PPA2: variants seen among roughly 807,000 people sequenced by gnomAD.
PPA2 encodes the protein inorganic pyrophosphatase 2.
PPA2 carries 48 observed loss-of-function variants against 49.5 expected under a neutral mutation model. The observed-to-expected ratio is 0.97, with a 90% CI of 0.77 to 1.23. The LOEUF is 1.23. Ranked by LOEUF, PPA2 falls within the 50% of genes most tolerant of loss-of-function variation. The probability of loss-of-function intolerance (pLI) is 0.00; values close to 1 mark genes in which losing one functional copy is unlikely to be tolerated. For missense variants in PPA2, 429 were observed against 410.1 expected, an observed-to-expected ratio of 1.05 and a Z score of -0.40; for synonymous variants, 131 against 139.9, an observed-to-expected ratio of 0.94 and a Z score of 0.45.
At chr4:105,459,273 TA>T (rs143823094) in intron 1 of PPA2, among the ~76,000 whole-genome samples, 3 of 151,986 alleles carry the variant, frequency 2.0e-5, no homozygotes, top group Non-Finnish European at 4.4e-5. Context: ...GGGATGCACT[TA>T]AAAAAAACTT....
At chr4:105,447,267 T>C (rs565247857) in intron 4 of PPA2, among the ~76,000 whole-genome samples, 5 of 152,322 alleles carry the variant, frequency 3.3e-5, no homozygotes, top group East Asian at 3.9e-4. Context: ...GAGAACATTA[T>C]GGCAAGTGAA....
intron 7 of PPA2, among the ~76,000 whole-genome samples, chr4:105,410,456 A>G (rs1204494484): frequency 2.0e-5 from 3 of 152,236 alleles, no homozygotes; most frequent in Non-Finnish European, 2.9e-5. Flanking sequence ...CCTGAAAGTG[A>G]CGAGGAGAAT....
intron 2 of PPA2, chr4:105,453,904 A>G (rs1443690061): frequency 3.1e-6 from 1 of 317,690 alleles, no homozygotes; most frequent in Non-Finnish European, 5.7e-6. Flanking sequence ...GTTTTTATAA[A>G]GTAAGCAAAG....
chr4:105,414,669 G>T (rs1237726142), intron 7 of PPA2, among the ~76,000 whole-genome samples: 1 of 152,206 alleles, frequency 6.6e-6, no homozygotes, highest in Non-Finnish European at 1.5e-5. Flanking sequence ...GAGCCATTAG[G>T]TCTGGGATCC....
At chr4:105,457,059 C>G (rs1323774526) in intron 1 of PPA2, among the ~76,000 whole-genome samples, 2 of 151,872 alleles carry the variant, frequency 1.3e-5, no homozygotes, top group South Asian at 2.1e-4. Flanking sequence ...AAAAACATCA[C>G]TTTTGAAAAA....
At chr4:105,432,442 C>T (rs994152758) in intron 6 of PPA2, among the ~76,000 whole-genome samples, 8 of 152,156 alleles carry the variant, frequency 5.3e-5, no homozygotes, top group African/African-American at 1.4e-4. Context: ...TTTAATCAAA[C>T]ATATCTTAAT....
chr4:105,374,107 T>TA (rs1733141225), intron 10 of PPA2, among the ~76,000 whole-genome samples: 1 of 152,166 alleles, frequency 6.6e-6, no homozygotes, highest in Non-Finnish European at 1.5e-5. Context: ...TGTAAGAAAC[T>TA]AAAAAAATAA....
At chr4:105,386,344 G>C (rs774216835) in intron 10 of PPA2, among the ~76,000 whole-genome samples, 1 of 152,060 alleles carries the variant, frequency 6.6e-6, no homozygotes, top group Non-Finnish European at 1.5e-5. Flanking sequence ...TTAGCTAAAT[G>C]GTTAATGAAC....
chr4:105,398,423 C>T (rs1300963928), intron 8 of PPA2: 1 of 152,120 alleles, frequency 6.6e-6, no homozygotes, highest in Non-Finnish European at 1.5e-5. Flanking sequence ...ACTTATAAAA[C>T]ATACTTACTG....
chr4:105,370,874 C>G lies in PPA2; in HGVS notation c.940-1G>C. 6.8e-7 allele frequency: 1 copy of G among 1,469,362 alleles called. No individual in the cohort carries two copies. The highest frequency in any genetic ancestry group is 9.1e-7 in the Non-Finnish European group (1 of 1,094,318). The allele number at this position is 1,469,362 out of a possible 1,614,324, so 91.0% of individuals were successfully genotyped here. ...TTTCTTTATTTGGTGAAGATGATACCTGGAAATAAAAACAGAGAAAGAATC... is the reference window on the plus strand; with the variant it reads ...TTTCTTTATTTGGTGAAGATGATACGTGGAAATAAAAACAGAGAAAGAATC... On this transcript the variant is annotated splice_acceptor_variant, in intron 10 of 11. Coordinates refer to ENST00000341695, the MANE Select transcript of PPA2 (RefSeq NM_176869.3). LOFTEE classifies it high-confidence loss of function.
intron 6 of PPA2, among the ~76,000 whole-genome samples, chr4:105,437,600 C>CATAAAATA (rs1195751830): frequency 6.6e-6 from 1 of 152,082 alleles, no homozygotes; most frequent in Non-Finnish European, 1.5e-5. Flanking sequence ...AGATGGTAGA[C>CATAAAATA]ATAAAATAAT....
chr4:105,382,223 AATTG>A (rs1560605050), intron 10 of PPA2, among the ~76,000 whole-genome samples: 2 of 152,144 alleles, frequency 1.3e-5, no homozygotes, highest in East Asian at 1.9e-4. Flanking sequence ...ATATTTTCAT[AATTG>A]ATTATATTGT....
chr4:105,418,538 G>A (rs116102559), intron 7 of PPA2, among the ~76,000 whole-genome samples: 1,793 of 152,038 alleles, frequency 0.012, 45 homozygotes, highest in African/African-American at 0.041. Context: ...GTGTGATGCC[G>A]GCCTATGAAA....
chr4:105,391,712 C>T (rs2726494), intron 9 of PPA2, among the ~76,000 whole-genome samples: 64,472 of 151,912 alleles, frequency 0.42, 14,314 homozygotes, highest in East Asian at 0.68. Context: ...GCTGGAAAGG[C>T]AGGTTTGGAC....
chr4:105,462,491 A>G (rs534888656), intron 1 of PPA2, among the ~76,000 whole-genome samples: 1 of 152,300 alleles, frequency 6.6e-6, no homozygotes, highest in African/African-American at 2.4e-5. Context: ...AACTCTTTGT[A>G]TTAGGCCTAG....
chr4:105,407,907 T>C (rs1300130946), intron 7 of PPA2, among the ~76,000 whole-genome samples: 1 of 152,166 alleles, frequency 6.6e-6, no homozygotes, highest in Admixed American at 6.5e-5. Flanking sequence ...TTTTGTATTA[T>C]GAATGTGATA....
chr4:105,438,098 T>C, intron 5 of PPA2, 62 bp from the exon 6 acceptor site: 2 of 1,154,112 alleles, frequency 1.7e-6, no homozygotes, highest in Non-Finnish European at 2.4e-6. Flanking sequence ...TACTTTAATC[T>C]TTCCACATAA....
chr4:105,378,611 T>C (rs1375326982), intron 10 of PPA2, among the ~76,000 whole-genome samples: 1 of 152,120 alleles, frequency 6.6e-6, no homozygotes, highest in Non-Finnish European at 1.5e-5. Flanking sequence ...TATTTATCAT[T>C]TTAAAGAACA....
At chr4:105,414,945 T>C (rs1298440125) in intron 7 of PPA2, among the ~76,000 whole-genome samples, 2 of 152,100 alleles carry the variant, frequency 1.3e-5, no homozygotes, top group Non-Finnish European at 2.9e-5. Flanking sequence ...CCATTGAGCC[T>C]GAGGCCCACT....
Sources: allele counts gnomAD v4.1 joint callset (sites outside exome capture counted in the v4.1 genomes callset), GRCh38; gene constraint gnomAD v4.1.1; transcripts MANE v1.5; gene names NCBI Gene and HGNC (gene_info 2026-07-23, HGNC 2026-07-21).